Variants in CD72 observed in about 807,000 individuals in gnomAD.
CD72 encodes the protein CD72 molecule.
A neutral mutation model predicts 50.7 loss-of-function variants in CD72; 28 were observed. The observed-to-expected ratio is 0.55, with a 90% confidence interval of 0.41 to 0.76. The LOEUF (loss-of-function observed/expected upper bound fraction) is 0.76. Among genes scored for constraint, CD72 ranks in the 30% least tolerant of loss-of-function variants. The pLI is 0.00. For missense variants in CD72, 403 were observed against 420.6 expected, an observed-to-expected ratio of 0.96 and a Z score of 0.37; for synonymous variants, 176 against 171.2, an observed-to-expected ratio of 1.03 and a Z score of -0.22.
intron 1 of CD72, among the ~76,000 whole-genome samples, chr9:35,629,270 A>G (rs1232745694): frequency 6.6e-6 from 1 of 152,144 alleles, no homozygotes; most frequent in African/African-American, 2.4e-5. Context: ...TAGCTCTTCA[A>G]CTGAGGTTAG....
At chr9:35,612,337 C>T (rs1442730645) in intron 6 of CD72, among the ~76,000 whole-genome samples, 2 of 152,208 alleles carry the variant, frequency 1.3e-5, no homozygotes, top group Non-Finnish European at 2.9e-5. Context: ...ATAATCCCAG[C>T]ACTTTGGGAG....
chr9:35,639,146 A>G (rs183972732), intron 1 of CD72, among the ~76,000 whole-genome samples: 22 of 152,260 alleles, frequency 1.4e-4, no homozygotes, highest in Admixed American at 7.2e-4. Context: ...AACAAACATT[A>G]ATTGATGAGC....
intron 1 of CD72, among the ~76,000 whole-genome samples, chr9:35,636,677 G>A (rs192426523): frequency 3.2e-4 from 49 of 152,292 alleles, no homozygotes; most frequent in East Asian, 9.6e-4. Context: ...CTGGCCGGGC[G>A]CAGTGCCTCA....
At chr9:35,637,084 CT>C (rs1250098892) in intron 1 of CD72, among the ~76,000 whole-genome samples, 2 of 152,136 alleles carry the variant, frequency 1.3e-5, no homozygotes, top group African/African-American at 4.8e-5. Flanking sequence ...ACGATACACC[CT>C]CCCCACCCTT....
intron 1 of CD72, among the ~76,000 whole-genome samples, chr9:35,634,069 TA>T (rs1261679109): frequency 6.6e-6 from 1 of 152,364 alleles, no homozygotes; most frequent in African/African-American, 2.4e-5. Flanking sequence ...TTATTTACTG[TA>T]ATGAGTGATG....
intron 1 of CD72, among the ~76,000 whole-genome samples, chr9:35,636,236 C>T (rs1823288512): frequency 6.6e-6 from 1 of 152,278 alleles, no homozygotes; most frequent in South Asian, 2.1e-4. Flanking sequence ...CAGACATGCC[C>T]TAAATGTTTC....
At chr9:35,636,976 C>G (rs1166062453) in intron 1 of CD72, among the ~76,000 whole-genome samples, 1 of 152,134 alleles carries the variant, frequency 6.6e-6, no homozygotes, top group Non-Finnish European at 1.5e-5. Context: ...TGTTTCTGCC[C>G]CACCCTAACT....
chr9:35,634,989 C>A (rs1198586150), intron 1 of CD72, among the ~76,000 whole-genome samples: 1 of 152,220 alleles, frequency 6.6e-6, no homozygotes, highest in Non-Finnish European at 1.5e-5. Flanking sequence ...AAGTATTTCT[C>A]AGATGAGGTA....
chr9:35,629,719 T>G (rs1264824445), intron 1 of CD72, among the ~76,000 whole-genome samples: 1 of 152,208 alleles, frequency 6.6e-6, no homozygotes, highest in African/African-American at 2.4e-5. Flanking sequence ...TCTGCCCGCC[T>G]CCACCTTTGA....
upstream of CD72, among the ~76,000 whole-genome samples, chr9:35,622,377 G>A (rs1477154328): frequency 6.6e-6 from 1 of 152,176 alleles, no homozygotes; most frequent in Non-Finnish European, 1.5e-5. Context: ...GACACAGAAA[G>A]CACGTTCTCT....
At chr9:35,613,053 A>T in intron 5 of CD72, 60 bp from the exon 6 acceptor site, 1 of 1,411,288 alleles carries the variant, frequency 7.1e-7, no homozygotes, top group South Asian at 1.3e-5. Context: ...CTACTCAGCA[A>T]TCTTTTGCTA....
intron 1 of CD72, chr9:35,642,527 G>A (rs961067368): frequency 3.9e-5 from 6 of 152,198 alleles, no homozygotes; most frequent in African/African-American, 1.2e-4. Flanking sequence ...GGTATGCCAC[G>A]TGTTGCAAGC....
At chr9:35,632,664 C>T (rs1823256942) in intron 1 of CD72, among the ~76,000 whole-genome samples, 1 of 151,306 alleles carries the variant, frequency 6.6e-6, no homozygotes. Flanking sequence ...GCAACCTCTA[C>T]CTCCTGGGTT....
chr9:35,625,536 TCTAA>T (rs1204324251), intron 1 of CD72, among the ~76,000 whole-genome samples: 13 of 152,198 alleles, frequency 8.5e-5, no homozygotes, highest in South Asian at 4.1e-4. Flanking sequence ...ATCCAGAAGA[TCTAA>T]CTAAGATCAT....
chr9:35,641,840 A>G (rs575878701), intron 1 of CD72, among the ~76,000 whole-genome samples: 2 of 152,290 alleles, frequency 1.3e-5, no homozygotes, highest in South Asian at 4.1e-4. Context: ...TGTACAGCCA[A>G]TAGTAATCTC....
intron 1 of CD72, among the ~76,000 whole-genome samples, chr9:35,629,860 T>C (rs1235688683): frequency 6.6e-6 from 1 of 152,242 alleles, no homozygotes; most frequent in African/African-American, 2.4e-5. Context: ...AGATGTTCAG[T>C]TCCACTGATT....
chr9:35,611,439 C>G (rs971106529), intron 7 of CD72, among the ~76,000 whole-genome samples: 1 of 152,038 alleles, frequency 6.6e-6, no homozygotes, highest in Non-Finnish European at 1.5e-5. Context: ...CCCAAGTGGC[C>G]GCTACTGAGA....
chr9:35,630,036 C>CTTTTTTTTTTTT (rs35481553), intron 1 of CD72, among the ~76,000 whole-genome samples: 6 of 128,954 alleles, frequency 4.7e-5, no homozygotes, highest in Admixed American at 8.3e-5. Context: ...AATTTCTTTT[C>CTTTTTTTTTTTT]TTTTTTTTTT....
chr9:35,618,758 G>A, upstream of CD72: 1 of 1,287,032 alleles, frequency 7.8e-7, no homozygotes, highest in South Asian at 1.2e-5. Flanking sequence ...GATCTCCCCA[G>A]CTCCAGGGTG....
Sources: allele counts gnomAD v4.1 joint callset (sites outside exome capture counted in the v4.1 genomes callset), GRCh38; gene constraint gnomAD v4.1.1; transcripts MANE v1.5; gene names NCBI Gene and HGNC (gene_info 2026-07-23, HGNC 2026-07-21).